PGD: variants seen among roughly 807,000 people sequenced by gnomAD.
PGD encodes the protein 6-phosphogluconate dehydrogenase, decarboxylating.
PGD carries 21 observed loss-of-function variants against 60.4 expected under a neutral mutation model. The observed-to-expected ratio is 0.35, with a 90% CI of 0.25 to 0.50. The LOEUF is 0.50. Ranked by LOEUF, PGD falls within the 20% of genes least tolerant of loss-of-function variation. The pLI is 0.98. For synonymous variants in PGD, 230 were observed against 235.9 expected (o/e 0.97, Z 0.23); for missense variants, 477 against 613.1 (o/e 0.78, Z 2.34).
chr1:10,401,743 C>T lies in PGD; in HGVS notation c.264+1171C>T, dbSNP rs567772697. ...AATATAATGAAGCCCAGGCTGGGCGCGGTGGCTCACGCCTGTAATCCCAGC... is the reference window on the plus strand; with the variant it reads ...AATATAATGAAGCCCAGGCTGGGCGTGGTGGCTCACGCCTGTAATCCCAGC... On this transcript the variant is annotated intron_variant, in intron 3 of 12. Coordinates refer to ENST00000270776, the MANE Select transcript of PGD (RefSeq NM_002631.4). 8.5e-5 allele frequency among the ~76,000 whole-genome samples: 13 copies of T among 152,222 alleles called. 1 individual carries two copies. The highest frequency in any genetic ancestry group is 2.4e-4 in the African/African-American group (10 of 41,530).
intron 4 of PGD, 30 bp from the exon 5 acceptor site, chr1:10,404,131 G>A: frequency 7.0e-7 from 1 of 1,423,222 alleles, no homozygotes; most frequent in South Asian, 1.2e-5. Context: ...AAACATGGAA[G>A]CATAATGAAA....
chr1:10,414,326 G>C (rs946337017), intron 8 of PGD, among the ~76,000 whole-genome samples: 1 of 151,972 alleles, frequency 6.6e-6, no homozygotes, highest in African/African-American at 2.4e-5. Flanking sequence ...AACATAAAAC[G>C]AGAGGGGATT....
chr1:10,409,649 CT>C (rs543426528), intron 6 of PGD, among the ~76,000 whole-genome samples: 7,900 of 75,024 alleles, frequency 0.11, 137 homozygotes, highest in African/African-American at 0.12. Context: ...GTGGTAGCAA[CT>C]TTTTTTTTTT....
chr1:10,400,878 G>T (rs1407920708), intron 3 of PGD, among the ~76,000 whole-genome samples: 1 of 152,014 alleles, frequency 6.6e-6, no homozygotes, highest in Non-Finnish European at 1.5e-5. Flanking sequence ...GATCGTTTGA[G>T]CCCAGGAGTT....
At chr1:10,406,705 C>CA (rs1639411376) in intron 5 of PGD, among the ~76,000 whole-genome samples, 4 of 152,176 alleles carry the variant, frequency 2.6e-5, no homozygotes, top group Non-Finnish European at 5.9e-5. Context: ...CTTGACTGGC[C>CA]ATTAGGGAGC....
intron 4 of PGD, 77 bp downstream of exon 4, chr1:10,403,213 A>G: frequency 2.0e-6 from 2 of 984,740 alleles, no homozygotes; most frequent in Non-Finnish European, 1.6e-6. Context: ...CATATGTGAC[A>G]GTAGGGTGAA....
chr1:10,414,891 G>T (rs1639569309), intron 8 of PGD, among the ~76,000 whole-genome samples: 1 of 151,576 alleles, frequency 6.6e-6, no homozygotes, highest in African/African-American at 2.4e-5. Flanking sequence ...AGGAGTTTGA[G>T]TCCAGCCTGA....
At chr1:10,404,822 A>G (rs1639373786) in intron 5 of PGD, among the ~76,000 whole-genome samples, 1 of 152,202 alleles carries the variant, frequency 6.6e-6, no homozygotes, top group South Asian at 2.1e-4. Flanking sequence ...TTAAGGAAGC[A>G]GTTTAGGTAA....
chr1:10,411,304 T>C, intron 6 of PGD, 114 bp from the exon 7 acceptor site: 2 of 1,148,988 alleles, frequency 1.7e-6, no homozygotes, highest in Non-Finnish European at 2.5e-6. Context: ...ATACTTGTTA[T>C]TTTTTGTGTG....
At chr1:10,408,797 C>T (rs1341815401) in intron 6 of PGD, among the ~76,000 whole-genome samples, 1 of 152,126 alleles carries the variant, frequency 6.6e-6, no homozygotes, top group Non-Finnish European at 1.5e-5. Flanking sequence ...TTTGTAGAGA[C>T]GGGGTTTCAC....
chr1:10,401,912 G>A (rs1055964733), intron 3 of PGD, among the ~76,000 whole-genome samples: 2 of 152,130 alleles, frequency 1.3e-5, no homozygotes, highest in African/African-American at 4.8e-5. Flanking sequence ...CTACTTGGGA[G>A]GCTGAGGCAG....
intron 2 of PGD, chr1:10,400,004 C>CGGTGG: frequency 1.9e-6 from 1 of 517,638 alleles, no homozygotes; most frequent in Non-Finnish European, 3.5e-6. Context: ...GTGTAGAGCT[C>CGGTGG]TAACTTGATT....
rs749115127 is a variant in PGD at position 10,411,520 on chromosome 1, G to A, written c.622G>A (p.Val208Met). The stretch of plus-strand genomic sequence containing the variant: ...TGAGGCATACCACCTGATGAAAGAC[G>A]TGCTGGGCATGGCGCAGGACGAGAT... The part of the protein sequence containing the change: ...ICEAYHLMKD[V>M]LGMAQDEMAQ... The change falls in exon 7 of 13, where the codon GTG (valine) becomes ATG (methionine). Residue 208 changes from valine (V) to methionine (M), a missense_variant. By Grantham distance (21) the Val-to-Met change is conservative. This residue lies in a region of PGD where 431 missense variants were observed against 556.6 expected (regional missense o/e 0.77). Coordinates refer to ENST00000270776, the MANE Select transcript of PGD (RefSeq NM_002631.4). 40 of 1,614,046 alleles carry A rather than the reference G, an allele frequency of 2.5e-5. No homozygotes were observed. Among genetic ancestry groups the A allele is most frequent in the South Asian group, 3.3e-5 (3 of 91,088 alleles).
At chr1:10,419,597 C>T (rs780752746) in intron 12 of PGD, 33 bp from the exon 13 acceptor site, 2 of 1,614,100 alleles carry the variant, frequency 1.2e-6, no homozygotes, top group Non-Finnish European at 1.7e-6. Context: ...GCGCCATGGA[C>T]TGTCCTGACC....
intron 6 of PGD, among the ~76,000 whole-genome samples, chr1:10,409,047 C>T (rs1053659024): frequency 9.2e-5 from 14 of 152,224 alleles, no homozygotes; most frequent in Admixed American, 4.6e-4. Flanking sequence ...AGGCAAGCCA[C>T]GTCCCTTCAT....
chr1:10,417,538 G>A (rs745678249), intron 10 of PGD, 29 bp downstream of exon 10: 35 of 1,590,026 alleles, frequency 2.2e-5, no homozygotes, highest in East Asian at 4.5e-5. Context: ...AGGGTCCGAC[G>A]GGAAGGACTC....
chr1:10,407,587 G>A (rs187489036), intron 5 of PGD, among the ~76,000 whole-genome samples: 68 of 152,322 alleles, frequency 4.5e-4, no homozygotes, highest in African/African-American at 1.6e-3. Flanking sequence ...AGGGTCTGCA[G>A]TTGACCTTGA....
rs1344503403 is a variant in PGD at position 10,411,523 on chromosome 1, C to G, written c.625C>G (p.Leu209Val). ...GGCATACCACCTGATGAAAGACGTG[C>G]TGGGCATGGCGCAGGACGAGATGGC... ...CEAYHLMKDV[L>V]GMAQDEMAQA... The change falls in exon 7 of 13, where the codon CTG (leucine) becomes GTG (valine). Residue 209 changes from leucine (L) to valine (V), a missense_variant. Coordinates refer to ENST00000270776, the MANE Select transcript of PGD (RefSeq NM_002631.4). 6 of 1,614,100 alleles carry G rather than the reference C, an allele frequency of 3.7e-6. No individual in the cohort carries two copies. The highest frequency in any genetic ancestry group is 1.7e-5 in the Admixed American group (1 of 60,020).
At chr1:10,409,617 A>G (rs1639464158) in intron 6 of PGD, among the ~76,000 whole-genome samples, 1 of 149,588 alleles carries the variant, frequency 6.7e-6, no homozygotes, top group Non-Finnish European at 1.5e-5. Context: ...AAAAAACAAA[A>G]AGATCACTGC....
Sources: allele counts gnomAD v4.1 joint callset (sites outside exome capture counted in the v4.1 genomes callset), GRCh38; gene constraint gnomAD v4.1.1; regional missense constraint gnomAD v4.1.1; transcripts MANE v1.5; gene names NCBI Gene and HGNC (gene_info 2026-07-23, HGNC 2026-07-21).